SORCS2: variants seen among roughly 807,000 people sequenced by gnomAD.
The protein encoded by SORCS2 is sortilin related VPS10 domain containing receptor 2, also known as VPS10 domain-containing receptor SorCS2.
In SORCS2, 100 loss-of-function variants were observed where a neutral mutation model predicts 141.6. The observed-to-expected ratio is 0.71, with a 90% confidence interval of 0.60 to 0.83. SORCS2 has a LOEUF of 0.83. SORCS2 is among the 40% of genes least tolerant of loss of function. The pLI is 0.00. For synonymous variants in SORCS2, 789 were observed against 676.9 expected (o/e 1.17, Z -2.57); for missense variants, 1,646 against 1,560.2 (o/e 1.05, Z -0.93).
chr4:7,633,384 G>T (rs781625705), intron 3 of SORCS2, among the ~76,000 whole-genome samples: 2 of 152,088 alleles, frequency 1.3e-5, no homozygotes, highest in Non-Finnish European at 2.9e-5. Flanking sequence ...CTGAAGCCCC[G>T]TCCCCCAGGT....
intron 3 of SORCS2, among the ~76,000 whole-genome samples, chr4:7,581,569 C>T (rs528821965): frequency 2.6e-5 from 4 of 152,272 alleles, no homozygotes; most frequent in South Asian, 2.1e-4. Context: ...GTGGCAGGGG[C>T]GGGGGTACCT....
At chr4:7,555,827 G>A (rs1347391637) in intron 3 of SORCS2, among the ~76,000 whole-genome samples, 1 of 152,188 alleles carries the variant, frequency 6.6e-6, no homozygotes, top group Non-Finnish European at 1.5e-5. Flanking sequence ...CAAAGGTCCT[G>A]AGGCTGGAGA....
chr4:7,376,563 C>G (rs1022161660), intron 1 of SORCS2, among the ~76,000 whole-genome samples: 3 of 152,166 alleles, frequency 2.0e-5, no homozygotes, highest in Admixed American at 1.3e-4. Context: ...GGTGACAAAG[C>G]AAGACTCTGT....
intron 20 of SORCS2, among the ~76,000 whole-genome samples, chr4:7,726,066 G>A (rs1208880939): frequency 1.3e-5 from 2 of 152,242 alleles, no homozygotes. Context: ...GGCCTCTCCT[G>A]TCTCTGCGGC....
intron 14 of SORCS2, among the ~76,000 whole-genome samples, chr4:7,710,007 A>G (rs1312441529): frequency 2.0e-5 from 3 of 152,166 alleles, no homozygotes; most frequent in South Asian, 2.1e-4. Flanking sequence ...AATTAACTAG[A>G]TGGCAGCTCT....
At chr4:7,462,659 T>C (rs753248918) in intron 2 of SORCS2, among the ~76,000 whole-genome samples, 8 of 151,840 alleles carry the variant, frequency 5.3e-5, no homozygotes, top group Non-Finnish European at 1.0e-4. Context: ...GAGCCTCTTG[T>C]TCATCCTGGC....
At chr4:7,429,642 G>C (rs1013097431) in intron 2 of SORCS2, among the ~76,000 whole-genome samples, 1 of 152,156 alleles carries the variant, frequency 6.6e-6, no homozygotes, top group African/African-American at 2.4e-5. Flanking sequence ...CTCCCACAGG[G>C]CACCCTCCAT....
At chr4:7,406,533 T>C (rs1252642196) in intron 2 of SORCS2, among the ~76,000 whole-genome samples, 4 of 151,856 alleles carry the variant, frequency 2.6e-5, no homozygotes, top group African/African-American at 9.7e-5. Context: ...TATAGTTGTT[T>C]ATACTTGTCC....
In SORCS2 at chr4:7,309,836, T is replaced by C. The variant is rs1297043936; in HGVS notation, c.481-86452T>C. 2.0e-5 allele frequency among the ~76,000 whole-genome samples: 3 copies of C among 151,834 alleles called. No homozygotes were observed. The East Asian group carries it at 5.8e-4, about 30-fold the overall frequency. On this transcript the variant is annotated intron_variant, in intron 1 of 26. Coordinates refer to ENST00000507866, the MANE Select transcript of SORCS2 (RefSeq NM_020777.3). ...ACCCACCGGGAGAGGAGATACCCAG[T>C]GAGTGCTGTGGTCGCCAGGCCTTGG...
chr4:7,704,308 G>C (rs767244057), intron 14 of SORCS2, 24 bp downstream of exon 14: 2 of 1,579,668 alleles, frequency 1.3e-6, no homozygotes, highest in Admixed American at 1.8e-5. Context: ...CCGGGGAGTG[G>C]GCACTGGTGG....
intron 1 of SORCS2, among the ~76,000 whole-genome samples, chr4:7,278,998 G>A (rs1411557776): frequency 1.3e-5 from 2 of 152,164 alleles, no homozygotes; most frequent in African/African-American, 4.8e-5. Context: ...TCCAGGGAAC[G>A]ACCCTTGAAG....
intron 3 of SORCS2, among the ~76,000 whole-genome samples, chr4:7,628,412 G>T (rs973166911): frequency 6.6e-6 from 1 of 152,014 alleles, no homozygotes; most frequent in Non-Finnish European, 1.5e-5. Flanking sequence ...CCAGCTACTA[G>T]GGAGGCTGAG....
intron 2 of SORCS2, among the ~76,000 whole-genome samples, chr4:7,510,763 G>A (rs62280189): frequency 1.1e-5 from 1 of 94,672 alleles, no homozygotes; most frequent in Non-Finnish European, 2.2e-5. Flanking sequence ...CCAGATACCC[G>A]CATGGACCGA....
chr4:7,657,631 TAGTG>T (rs764282568), intron 5 of SORCS2, among the ~76,000 whole-genome samples: 13 of 142,572 alleles, frequency 9.1e-5, no homozygotes, highest in African/African-American at 2.9e-4. Flanking sequence ...CTGAATGAGT[TAGTG>T]AGTGAGTGAA....
chr4:7,404,043 T>C (rs908037943), intron 2 of SORCS2, among the ~76,000 whole-genome samples: 2 of 145,504 alleles, frequency 1.4e-5, no homozygotes, highest in Admixed American at 1.4e-4. Flanking sequence ...GAACATGTGG[T>C]ATTTGTTGGC....
chr4:7,317,392 T>A (rs1219203047), intron 1 of SORCS2, among the ~76,000 whole-genome samples: 1 of 152,208 alleles, frequency 6.6e-6, no homozygotes, highest in Non-Finnish European at 1.5e-5. Flanking sequence ...AACGGAGGCA[T>A]CCTCAGTGCA....
intron 2 of SORCS2, among the ~76,000 whole-genome samples, chr4:7,397,236 A>C (rs1007076405): frequency 3.9e-5 from 6 of 151,974 alleles, no homozygotes; most frequent in Admixed American, 6.5e-5. Context: ...TTGGTGATTC[A>C]TTCTGTTGGT....
At chr4:7,349,562 G>A (rs1424926981) in intron 1 of SORCS2, among the ~76,000 whole-genome samples, 1 of 152,128 alleles carries the variant, frequency 6.6e-6, no homozygotes, top group Non-Finnish European at 1.5e-5. Context: ...GAGCAGTCAA[G>A]CAGGGTCAGG....
chr4:7,412,868 G>A (rs1457999913), intron 2 of SORCS2, among the ~76,000 whole-genome samples: 1 of 152,050 alleles, frequency 6.6e-6, no homozygotes, highest in Non-Finnish European at 1.5e-5. Context: ...CTCCGCCACA[G>A]CCCCCATCCT....
Sources: gnomAD v4.1 joint callset for allele counts (sites outside exome capture counted in the v4.1 genomes callset) on GRCh38, gnomAD v4.1.1 for gene constraint, MANE v1.5 for transcripts, NCBI Gene and HGNC (gene_info 2026-07-23, HGNC 2026-07-21) for gene names.